The following DDI2 variants were observed in gnomAD, a reference collection of about 807,000 sequenced individuals.
DDI2 encodes the protein DDI proteasomal shuttling factor 2.
DDI2 carries 5 observed loss-of-function variants against 48.1 expected under a neutral mutation model. That is an observed-to-expected ratio of 0.10 (90% CI 0.05 to 0.22). The LOEUF is 0.22. DDI2 is among the 10% of genes least tolerant of loss of function. The pLI, the probability that DDI2 is intolerant of heterozygous loss-of-function variation, is 1.00. For synonymous variants in DDI2, 205 were observed against 183.6 expected (o/e 1.12, Z -0.94); for missense variants, 285 against 506.2 (o/e 0.56, Z 4.19).
At position 15,664,739 on chromosome 1, in the gene DDI2, C is replaced by G. The variant is rs1640426597; in HGVS notation, c.*4949C>G. 2 of 152,200 alleles carry G rather than the reference C, an allele frequency of 1.3e-5. No individual in the cohort carries two copies. The highest frequency in any genetic ancestry group is 4.1e-4 in the South Asian group (2 of 4,828). 9.4% of individuals were successfully genotyped at this position (152,200 alleles called of 1,614,324 possible). A position where few individuals can be genotyped will look rare whatever the true frequency, so the allele number is the denominator to read the frequency against. ...CAGCACTTAACTACAAGGGCGGTCT[C>G]TGTTTCTTCACCAGAGAGAGAAGAT... On this transcript the variant is annotated 3_prime_UTR_variant, in exon 10 of 10. Coordinates refer to ENST00000480945, the MANE Select transcript of DDI2 (RefSeq NM_032341.5).
intron 7 of DDI2, among the ~76,000 whole-genome samples, chr1:15,651,263 TTA>T (rs1244545721): frequency 4.6e-5 from 7 of 152,232 alleles, no homozygotes; most frequent in African/African-American, 1.4e-4. Context: ...GTCTCCAACT[TTA>T]TAGATGTAAA....
chr1:15,651,771 T>A lies in DDI2; in HGVS notation c.1059T>A (p.Leu353=), dbSNP rs1382555842. The change falls in exon 8 of 10, where the codon CTT becomes CTA. Residue 353 remains leucine, a synonymous_variant. Transcript: ENST00000480945. ...CCACAGGCTCCCAGACCACCTTTCT[T>A]CCTGAGGGAGAGCTACCAGAGTGTG... ...IGTTGSQTTF[L]PEGELPECAR... is the part of the protein sequence containing the mutation. 7 of 1,613,874 alleles carry A rather than the reference T, an allele frequency of 4.3e-6. No homozygotes were observed. Among genetic ancestry groups the A allele is most frequent in the Non-Finnish European group, 5.1e-6 (6 of 1,179,868 alleles).
Position 15,651,454 on chromosome 1 carries a change from G to A in DDI2, c.994-252G>A, listed in dbSNP as rs139487997. Reference sequence around the variant, plus strand: ...CTGCCTCAGCCTCCCAAGTAGCTGCGATTATGGGCATGTGCCACCACGCCT... The same window carrying A: ...CTGCCTCAGCCTCCCAAGTAGCTGCAATTATGGGCATGTGCCACCACGCCT... On this transcript the variant is annotated intron_variant, in intron 7 of 9. Coordinates refer to ENST00000480945, the MANE Select transcript of DDI2 (RefSeq NM_032341.5). Among the ~76,000 whole-genome samples, 174 of 152,290 alleles carry A rather than the reference G, an allele frequency of 1.1e-3. 1 individual carries two copies. Among genetic ancestry groups the A allele is most frequent in the African/African-American group, 3.7e-3 (152 of 41,578 alleles).
chr1:15,661,588 G>T lies in DDI2; in HGVS notation c.*1798G>T, dbSNP rs1640380633. The stretch of plus-strand genomic sequence containing the variant: ...CATTCTTCCACCATTGATTTTTCCT[G>T]CCACAGATATTGACCGCATTCTCCG... On this transcript the variant is annotated 3_prime_UTR_variant, in exon 10 of 10. Transcript: ENST00000480945. 8 of 1,614,116 alleles carry T rather than the reference G, an allele frequency of 5.0e-6. No homozygotes were observed. The highest frequency in any genetic ancestry group is 6.8e-6 in the Non-Finnish European group (8 of 1,180,024).
Position 15,630,643 on chromosome 1 carries a change from G to A in DDI2, c.505+82G>A, listed in dbSNP as rs58004141. On this transcript the variant is annotated intron_variant, in intron 3 of 9. Transcript: ENST00000480945. Reference sequence around the variant, plus strand: ...ATAGCAAATGTGAAGAGACTCAAGCGACACTGTGTCACATGATTTATTGAA... The same window carrying A: ...ATAGCAAATGTGAAGAGACTCAAGCAACACTGTGTCACATGATTTATTGAA... The A allele has an allele frequency of 9.7e-3, 9,021 of 931,978 alleles. 524 individuals are homozygous for A. In the African/African-American group the frequency reaches 0.13, roughly 13 times the overall value. The allele number at this position is 931,978 out of a possible 1,614,324, so 57.7% of individuals were successfully genotyped here. A position where few individuals can be genotyped will look rare whatever the true frequency, so the allele number is the denominator to read the frequency against.
At position 15,656,966 on chromosome 1, in the gene DDI2, C is replaced by T. The variant is rs1640282962; in HGVS notation, c.*46+287C>T. On this transcript the variant is annotated intron_variant, in intron 9 of 9. Coordinates refer to ENST00000480945, the MANE Select transcript of DDI2 (RefSeq NM_032341.5). The stretch of plus-strand genomic sequence containing the variant: ...CCCATCTTGGCTACTATAAATATCA[C>T]ATCAAGAATATTGGCCTCACAACAC... 3 of 269,012 alleles carry T rather than the reference C, an allele frequency of 1.1e-5. No individual in the cohort carries two copies. In the South Asian group the frequency reaches 2.0e-4, roughly 18 times the overall value. The allele number at this position is 269,012 out of a possible 1,614,324, so 16.7% of individuals were successfully genotyped here.
chr1:15,620,489 G>A (rs1218386318), intron 1 of DDI2, among the ~76,000 whole-genome samples: 1 of 151,868 alleles, frequency 6.6e-6, no homozygotes, highest in African/African-American at 2.4e-5. Context: ...TTCCTAGACT[G>A]TTTAACTCCT....
At chr1:15,654,499 A>T (rs539159853) in intron 8 of DDI2, among the ~76,000 whole-genome samples, 85 of 150,492 alleles carry the variant, frequency 5.6e-4, no homozygotes, top group South Asian at 3.4e-3. Flanking sequence ...CAAGAAATTT[A>T]AAAAAAAAAT....
At chr1:15,629,264 G>C (rs1387295578) in intron 2 of DDI2, among the ~76,000 whole-genome samples, 2 of 152,100 alleles carry the variant, frequency 1.3e-5, no homozygotes, top group Non-Finnish European at 2.9e-5. Context: ...GCAGAATTTA[G>C]CATCTAATAT....
chr1:15,619,450 TTTTTCTTTTC>T (rs542475993), intron 1 of DDI2, among the ~76,000 whole-genome samples: 4 of 149,508 alleles, frequency 2.7e-5, no homozygotes, highest in Admixed American at 6.7e-5. Context: ...TGATAGTGGC[TTTTTCTTTTC>T]TTTTCTTTTC....
intron 9 of DDI2, among the ~76,000 whole-genome samples, chr1:15,657,895 TGTAA>T (rs1478263993): frequency 2.0e-5 from 3 of 152,224 alleles, no homozygotes; most frequent in African/African-American, 7.2e-5. Flanking sequence ...ACTCCTAAAG[TGTAA>T]GTAAGGTAAG....
Position 15,667,969 on chromosome 1 carries a change from T to C in DDI2, c.*8179T>C, listed in dbSNP as rs1207106321. ...GGGGTTAGAGAATGTTTCTTTTACC[T>C]AAAAATGTTAAGCCAACTATGGAAG... On this transcript the variant is annotated 3_prime_UTR_variant, in exon 10 of 10. Coordinates refer to ENST00000480945, the MANE Select transcript of DDI2 (RefSeq NM_032341.5). The C allele has an allele frequency of 6.6e-6, 1 of 152,120 alleles. No homozygotes were observed. Among genetic ancestry groups the C allele is most frequent in the Non-Finnish European group, 1.5e-5 (1 of 68,028 alleles). The allele number at this position is 152,120 out of a possible 1,614,324, so 9.4% of individuals were successfully genotyped here. A position where few individuals can be genotyped will look rare whatever the true frequency, so the allele number is the denominator to read the frequency against.
chr1:15,624,550 C>T (rs1639722110), intron 1 of DDI2, among the ~76,000 whole-genome samples: 1 of 152,114 alleles, frequency 6.6e-6, no homozygotes, highest in Non-Finnish European at 1.5e-5. Context: ...TCACTACAGC[C>T]TGGACCTCCT....
At chr1:15,629,078 G>T (rs1053649289) in intron 2 of DDI2, among the ~76,000 whole-genome samples, 4 of 152,092 alleles carry the variant, frequency 2.6e-5, no homozygotes, top group African/African-American at 9.7e-5. Flanking sequence ...GTAGCTTTTG[G>T]TGTATTCAGC....
At chr1:15,647,142 TTTTTTC>T (rs1640104557) in intron 6 of DDI2, among the ~76,000 whole-genome samples, 1 of 151,930 alleles carries the variant, frequency 6.6e-6, no homozygotes, top group East Asian at 1.9e-4. Flanking sequence ...GGTTGTTTCT[TTTTTTC>T]TTTTTCTTTT....
At chr1:15,621,112 C>T (rs975554537) in intron 1 of DDI2, among the ~76,000 whole-genome samples, 9 of 152,174 alleles carry the variant, frequency 5.9e-5, no homozygotes, top group Admixed American at 2.6e-4. Flanking sequence ...TGTTCTGTCT[C>T]TTAATAGAAG....
chr1:15,646,493 C>T (rs1472160055), intron 6 of DDI2, among the ~76,000 whole-genome samples: 1 of 152,172 alleles, frequency 6.6e-6, no homozygotes, highest in East Asian at 1.9e-4. Context: ...TCGAGACCAG[C>T]CTGGCCAACA....
At position 15,656,276 on chromosome 1, in the gene DDI2, A is replaced by C; in HGVS notation, c.1184-341A>C. ...CTGTTAGATATGTTCACTCACCTTT[A>C]CTCCATAAGATTTTTTTAATCACCT... On this transcript the variant is annotated intron_variant, in intron 8 of 9. Transcript: ENST00000480945. 5 of 509,296 alleles carry C rather than the reference A, an allele frequency of 9.8e-6. No homozygotes were observed. In the South Asian group the frequency reaches 1.5e-4, roughly 15 times the overall value. The allele number at this position is 509,296 out of a possible 1,614,324, so 31.5% of individuals were successfully genotyped here.
At position 15,660,344 on chromosome 1, in the gene DDI2, T is replaced by C; in HGVS notation, c.*554T>C. On this transcript the variant is annotated 3_prime_UTR_variant, in exon 10 of 10. Transcript: ENST00000480945. ...GATTGGCATCCAGAAAATCAGAACCTGAGTCAAGTGAGTGACCCTCAGCAG... is the reference window on the plus strand; with the variant it reads ...GATTGGCATCCAGAAAATCAGAACCCGAGTCAAGTGAGTGACCCTCAGCAG... 1 of 1,614,144 alleles carries C rather than the reference T, an allele frequency of 6.2e-7. No individual in the cohort carries two copies. Among genetic ancestry groups the C allele is most frequent in the Non-Finnish European group, 8.5e-7 (1 of 1,180,032 alleles).
Sources: allele counts gnomAD v4.1 joint callset (sites outside exome capture counted in the v4.1 genomes callset), GRCh38; gene constraint gnomAD v4.1.1; transcripts MANE v1.5; gene names NCBI Gene and HGNC (gene_info 2026-07-23, HGNC 2026-07-21).